Variants in ST8SIA3 observed in about 807,000 individuals in gnomAD.
ST8SIA3 encodes the protein ST8 alpha-N-acetyl-neuraminide alpha-2,8-sialyltransferase 3.
In ST8SIA3, 17 loss-of-function variants were observed where a neutral mutation model predicts 34.5. The ratio of observed to expected loss-of-function variants is 0.49; its 90% CI spans 0.34 to 0.74. ST8SIA3 has a LOEUF of 0.74. ST8SIA3 is among the 30% of genes least tolerant of loss of function. The probability of loss-of-function intolerance (pLI) is 0.01; values close to 1 mark genes in which losing one functional copy is unlikely to be tolerated. For synonymous variants in ST8SIA3, 172 were observed against 176.1 expected (o/e 0.98, Z 0.19); for missense variants, 354 against 467.8 (o/e 0.76, Z 2.24).
In ST8SIA3 at chr18:57,363,954, G is replaced by C. The variant is rs1382673640; in HGVS notation, c.*3677G>C. On this transcript the variant is annotated 3_prime_UTR_variant, in exon 4 of 4. Coordinates refer to ENST00000324000, the MANE Select transcript of ST8SIA3 (RefSeq NM_015879.3). ...AGCATCAAATGAAGCTGGGCTCACA[G>C]GGAAAGTGGTTTTTGGTCTGGGATC... The C allele has an allele frequency of 6.6e-6, 1 of 152,124 alleles. No individual in the cohort carries two copies. Among genetic ancestry groups the C allele is most frequent in the African/African-American group, 2.4e-5 (1 of 41,400 alleles). The allele number at this position is 152,124 out of a possible 1,614,324, so 9.4% of individuals were successfully genotyped here. A position where few individuals can be genotyped will look rare whatever the true frequency, so the allele number is the denominator to read the frequency against.
chr18:57,354,018 C>T (rs2049782548), intron 1 of ST8SIA3, among the ~76,000 whole-genome samples: 1 of 152,338 alleles, frequency 6.6e-6, no homozygotes, highest in African/African-American at 2.4e-5. Flanking sequence ...GCCCTTTCTC[C>T]AAAAACAATT....
At chr18:57,354,605 A>C in intron 2 of ST8SIA3, 81 bp downstream of exon 2, 2 of 1,542,342 alleles carry the variant, frequency 1.3e-6, no homozygotes, top group Non-Finnish European at 8.8e-7. Flanking sequence ...ACAAGCAAAC[A>C]AAAACATCTA....
Position 57,352,587 on chromosome 18 carries a change from T to G in ST8SIA3, c.-260T>G. 5 of 476,298 alleles carry G rather than the reference T, an allele frequency of 1.0e-5. No homozygotes were observed. Among genetic ancestry groups the G allele is most frequent in the East Asian group, 4.9e-5 (1 of 20,354 alleles). The allele number at this position is 476,298 out of a possible 1,614,324, so 29.5% of individuals were successfully genotyped here. A position where few individuals can be genotyped will look rare whatever the true frequency, so the allele number is the denominator to read the frequency against. ...GCCACGCCGCCGCGCAGCCCCTCCATCTTCCTGCTCGGCACCGGGCCCCGC... is the reference window on the plus strand; with the variant it reads ...GCCACGCCGCCGCGCAGCCCCTCCAGCTTCCTGCTCGGCACCGGGCCCCGC... On this transcript the variant is annotated 5_prime_UTR_variant, in exon 1 of 4. Transcript: ENST00000324000.
Position 57,352,629 on chromosome 18 carries a change from G to C in ST8SIA3, c.-218G>C. 2 of 564,882 alleles carry C rather than the reference G, an allele frequency of 3.5e-6. No individual in the cohort carries two copies. Among genetic ancestry groups the C allele is most frequent in the Non-Finnish European group, 6.3e-6 (2 of 316,230 alleles). The allele number at this position is 564,882 out of a possible 1,614,324, so 35.0% of individuals were successfully genotyped here. A position where few individuals can be genotyped will look rare whatever the true frequency, so the allele number is the denominator to read the frequency against. On this transcript the variant is annotated 5_prime_UTR_variant, in exon 1 of 4. Transcript: ENST00000324000. Reference sequence around the variant, plus strand: ...GGGCCCCGCGCGCCCCTGCCTACGGGGTCCCGCTGCTCTCCGGGGCTCCTG... The same window carrying C: ...GGGCCCCGCGCGCCCCTGCCTACGGCGTCCCGCTGCTCTCCGGGGCTCCTG...
In ST8SIA3 at chr18:57,352,680, G is replaced by GGCC; in HGVS notation, c.-167_-166insGCC. The GGCC allele has an allele frequency of 5.4e-5, 19 of 349,020 alleles. No individual in the cohort carries two copies. The highest frequency in any genetic ancestry group is 2.4e-4 in the South Asian group (11 of 46,560). 21.6% of individuals were successfully genotyped at this position (349,020 alleles called of 1,614,324 possible). ...CCAGCCCCAACCCCCGGCCCCGGTG[G>GGCC]CCTCCCCCCACCCCCGCCCGGGTCC... On this transcript the variant is annotated 5_prime_UTR_variant, in exon 1 of 4. Coordinates refer to ENST00000324000, the MANE Select transcript of ST8SIA3 (RefSeq NM_015879.3).
intron 3 of ST8SIA3, among the ~76,000 whole-genome samples, chr18:57,359,280 G>C (rs1408584727): frequency 6.6e-6 from 1 of 152,088 alleles, no homozygotes; most frequent in Non-Finnish European, 1.5e-5. Context: ...AATATGGAAG[G>C]ACTAATAACT....
At chr18:57,353,476 C>T (rs1463163764) in intron 1 of ST8SIA3, among the ~76,000 whole-genome samples, 1 of 152,168 alleles carries the variant, frequency 6.6e-6, no homozygotes, top group Non-Finnish European at 1.5e-5. Context: ...CGCCGGACTC[C>T]CCTCGCGCCC....
intron 2 of ST8SIA3, among the ~76,000 whole-genome samples, chr18:57,356,668 G>A (rs2049799217): frequency 6.6e-6 from 1 of 152,184 alleles, no homozygotes; most frequent in South Asian, 2.1e-4. Context: ...ACCAAGGTAT[G>A]GCAGCTAAAA....
At position 57,364,588 on chromosome 18, in the gene ST8SIA3, G is replaced by C. The variant is rs1303938739; in HGVS notation, c.*4311G>C. 6.6e-6 allele frequency: 1 copy of C among 152,180 alleles called. No individual in the cohort carries two copies. Among genetic ancestry groups the C allele is most frequent in the Non-Finnish European group, 1.5e-5 (1 of 68,004 alleles). 9.4% of individuals were successfully genotyped at this position (152,180 alleles called of 1,614,324 possible). ...TGCTTCTCCCTGAATGTGTAGAACT[G>C]TCACTTTGCTTACAAAGGGGCTGTG... On this transcript the variant is annotated 3_prime_UTR_variant, in exon 4 of 4. Transcript: ENST00000324000.
At position 57,357,486 on chromosome 18, in the gene ST8SIA3, T is replaced by A; in HGVS notation, c.860+16T>A. 1 of 1,586,484 alleles carries A rather than the reference T, an allele frequency of 6.3e-7. No homozygotes were observed. The highest frequency in any genetic ancestry group is 1.1e-5 in the South Asian group (1 of 89,704). On this transcript the variant is annotated intron_variant, in intron 3 of 3. Transcript: ENST00000324000. ...ATGTCAACAGGTGTGTATATTTTAT[T>A]ACATTTTACTCATACTCCACCAGAT...
chr18:57,358,834 A>T (rs961416361), intron 3 of ST8SIA3, among the ~76,000 whole-genome samples: 14 of 152,154 alleles, frequency 9.2e-5, no homozygotes, highest in African/African-American at 3.4e-4. Flanking sequence ...TGGTCTTTTG[A>T]TCTCCTTATT....
At chr18:57,355,427 A>G (rs1458606023) in intron 2 of ST8SIA3, among the ~76,000 whole-genome samples, 2 of 152,196 alleles carry the variant, frequency 1.3e-5, no homozygotes, top group African/African-American at 2.4e-5. Context: ...TCTCTCTTTT[A>G]AAAGTTTAAT....
intron 3 of ST8SIA3, among the ~76,000 whole-genome samples, chr18:57,359,044 G>T (rs1313704608): frequency 1.3e-5 from 2 of 152,134 alleles, no homozygotes; most frequent in Non-Finnish European, 1.5e-5. Flanking sequence ...ATCCTGTGTG[G>T]CTGCCTGCCA....
At chr18:57,353,088 G>C (rs530512894) in intron 1 of ST8SIA3, 63 bp downstream of exon 1, 1 of 1,560,000 alleles carries the variant, frequency 6.4e-7, no homozygotes, top group Middle Eastern at 1.7e-4. Context: ...TTGGGGAAGG[G>C]AAGGCGTGGG....
intron 1 of ST8SIA3, 47 bp downstream of exon 1, chr18:57,353,072 G>C (rs201729026): frequency 1.9e-6 from 3 of 1,586,160 alleles, no homozygotes; most frequent in Admixed American, 3.3e-5. Flanking sequence ...TTGGTTGATG[G>C]GGTGTTTGGG....
rs890441539 is a variant in ST8SIA3, at chr18:57,363,204, G to T, written c.*2927G>T. ...ACAAAAAACCAATTAAGTTGCAGAGGGGGGAAATAATCACAAACTTTTGGC... is the reference window on the plus strand; with the variant it reads ...ACAAAAAACCAATTAAGTTGCAGAGTGGGGAAATAATCACAAACTTTTGGC... On this transcript the variant is annotated 3_prime_UTR_variant, in exon 4 of 4. Transcript: ENST00000324000. 3.3e-5 allele frequency: 5 copies of T among 152,272 alleles called. No homozygotes were observed. The highest frequency in any genetic ancestry group is 2.6e-4 in the Admixed American group (4 of 15,300). 9.4% of individuals were successfully genotyped at this position (152,272 alleles called of 1,614,324 possible).
intron 2 of ST8SIA3, among the ~76,000 whole-genome samples, chr18:57,355,252 C>A (rs1415814438): frequency 6.6e-6 from 1 of 152,156 alleles, no homozygotes; most frequent in Non-Finnish European, 1.5e-5. Context: ...CTACTCTTAG[C>A]AAACCACGAT....
chr18:57,361,666 A>G lies in ST8SIA3; in HGVS notation c.*1389A>G, dbSNP rs2049831394. On this transcript the variant is annotated 3_prime_UTR_variant, in exon 4 of 4. Coordinates refer to ENST00000324000, the MANE Select transcript of ST8SIA3 (RefSeq NM_015879.3). ...TATGAGTAGAAATCAAATCATTCCC[A>G]TCCCTGGCTTTTTACTGAGCAGCAC... 6.6e-6 allele frequency: 1 copy of G among 152,610 alleles called. No individual in the cohort carries two copies. Among genetic ancestry groups the G allele is most frequent in the East Asian group, 1.9e-4 (1 of 5,196 alleles). The allele number at this position is 152,610 out of a possible 1,614,324, so 9.5% of individuals were successfully genotyped here.
rs921267921 is a variant in ST8SIA3, at chr18:57,352,615, G to A, written c.-232G>A. 2 of 528,766 alleles carry A rather than the reference G, an allele frequency of 3.8e-6. No individual in the cohort carries two copies. The highest frequency in any genetic ancestry group is 7.0e-5 in the East Asian group (1 of 14,302). The allele number at this position is 528,766 out of a possible 1,614,324, so 32.8% of individuals were successfully genotyped here. On this transcript the variant is annotated 5_prime_UTR_variant, in exon 1 of 4. Coordinates refer to ENST00000324000, the MANE Select transcript of ST8SIA3 (RefSeq NM_015879.3). ...TCCTGCTCGGCACCGGGCCCCGCGC[G>A]CCCCTGCCTACGGGGTCCCGCTGCT...
Sources: gnomAD v4.1 joint callset for allele counts (sites outside exome capture counted in the v4.1 genomes callset) on GRCh38, gnomAD v4.1.1 for gene constraint, MANE v1.5 for transcripts, NCBI Gene and HGNC (gene_info 2026-07-23, HGNC 2026-07-21) for gene names.